NEMF: variants seen among roughly 807,000 people sequenced by gnomAD.
NEMF encodes nuclear export mediator factor, also known as ribosome quality control complex subunit NEMF.
A neutral mutation model predicts 162.2 loss-of-function variants in NEMF; 89 were observed. That is an observed-to-expected ratio of 0.55 (90% CI 0.46 to 0.65). The LOEUF is 0.65. NEMF is among the 30% of genes least tolerant of loss of function. NEMF has a pLI of 0.00. For synonymous variants in NEMF, 421 were observed against 404.5 expected (o/e 1.04, Z -0.49); for missense variants, 1,133 against 1,261.9 (o/e 0.90, Z 1.55).
Position 49,789,221 on chromosome 14 carries a change from C to G in NEMF, c.2820G>C (p.Lys940Asn). 6.2e-7 allele frequency: 1 copy of G among 1,614,086 alleles called. No homozygotes were observed. The highest frequency in any genetic ancestry group is 8.5e-7 in the Non-Finnish European group (1 of 1,179,954). The change falls in exon 28 of 33, where the codon AAG (lysine) becomes AAC (asparagine). Residue 940 changes from lysine to asparagine, a missense_variant. By Grantham distance (94) the Lys-to-Asn change is moderately conservative (BLOSUM62 0). This residue lies in a region of NEMF where 532 missense variants were observed against 578.6 expected (regional missense o/e 0.92). Coordinates refer to ENST00000298310, the MANE Select transcript of NEMF (RefSeq NM_004713.6). ...TAACCTCAAGGAACGGAGTTTCTTT[C>G]TTAATGTTGTCAGAGACCCTCTGTC... Reference protein sequence around the residue: ...RGGQRVSDNIKKETPFLEVIT... With the variant: ...RGGQRVSDNINKETPFLEVIT...
At chr14:49,835,887 G>C (rs1004824296) in intron 6 of NEMF, among the ~76,000 whole-genome samples, 2 of 152,144 alleles carry the variant, frequency 1.3e-5, no homozygotes, top group African/African-American at 4.8e-5. Context: ...AAATTCCACT[G>C]ACAATAGCAT....
At chr14:49,837,965 T>C (rs891630136) in intron 6 of NEMF, among the ~76,000 whole-genome samples, 174 bp downstream of exon 6, 6 of 152,186 alleles carry the variant, frequency 3.9e-5, no homozygotes, top group Non-Finnish European at 7.4e-5. Context: ...TAAAATCTAA[T>C]AGATAAAGCT....
At chr14:49,814,897 G>T in intron 16 of NEMF, 40 bp from the exon 17 acceptor site, 1 of 1,166,264 alleles carries the variant, frequency 8.6e-7, no homozygotes. Context: ...TTTCTTTATA[G>T]CTGCCTGAAT....
intron 11 of NEMF, among the ~76,000 whole-genome samples, chr14:49,829,797 C>T (rs1168919938): frequency 6.6e-6 from 1 of 151,974 alleles, no homozygotes; most frequent in Non-Finnish European, 1.5e-5. Context: ...ATAATAGAGA[C>T]CGGGTCCCGC....
At chr14:49,842,357 T>A (rs1452091380) in intron 4 of NEMF, among the ~76,000 whole-genome samples, 2 of 152,216 alleles carry the variant, frequency 1.3e-5, no homozygotes, top group Non-Finnish European at 2.9e-5. Context: ...TGAAATTACT[T>A]CTTAAAGATT....
chr14:49,814,419 G>A (rs933610909), intron 17 of NEMF, among the ~76,000 whole-genome samples: 27 of 152,068 alleles, frequency 1.8e-4, no homozygotes, highest in Non-Finnish European at 2.8e-4. Context: ...CTACTTCTAG[G>A]TGTGAAAAAT....
Position 49,783,836 on chromosome 14 carries a change from T to C in NEMF, c.*800A>G, listed in dbSNP as rs1265580295. Reference sequence around the variant, plus strand: ...GAGTCATGAGAATTATTACTTATATTTTACATTTTGGTCTAATATTTTTTT... The same window carrying C: ...GAGTCATGAGAATTATTACTTATATCTTACATTTTGGTCTAATATTTTTTT... On this transcript the variant is annotated 3_prime_UTR_variant, in exon 33 of 33. Coordinates refer to ENST00000298310, the MANE Select transcript of NEMF (RefSeq NM_004713.6). 1.3e-5 allele frequency: 2 copies of C among 152,124 alleles called. No individual in the cohort carries two copies. Among genetic ancestry groups the C allele is most frequent in the East Asian group, 3.8e-4 (2 of 5,204 alleles). The allele number at this position is 152,124 out of a possible 1,614,324, so 9.4% of individuals were successfully genotyped here.
At chr14:49,814,145 G>A (rs1891612896) in intron 17 of NEMF, 95 bp from the exon 18 acceptor site, 9 of 749,828 alleles carry the variant, frequency 1.2e-5, no homozygotes, top group African/African-American at 1.1e-4. Context: ...TGTCGCCCAG[G>A]CTGGAGTGCA....
At chr14:49,800,766 A>G (rs1021991222) in intron 22 of NEMF, 70 bp from the exon 23 acceptor site, 1 of 1,397,552 alleles carries the variant, frequency 7.2e-7, no homozygotes, top group East Asian at 2.3e-5. Flanking sequence ...TAAAAATGTC[A>G]TAAAAATATT....
chr14:49,793,099 C>T (rs548943132), intron 26 of NEMF, among the ~76,000 whole-genome samples: 8 of 152,152 alleles, frequency 5.3e-5, no homozygotes, highest in East Asian at 3.9e-4. Flanking sequence ...GGAAACATCC[C>T]GCAATGATAA....
intron 4 of NEMF, among the ~76,000 whole-genome samples, chr14:49,843,501 T>TA (rs1476460891): frequency 1.3e-5 from 2 of 151,966 alleles, no homozygotes; most frequent in Non-Finnish European, 1.5e-5. Flanking sequence ...CTCAAAAAAA[T>TA]AAAAAATATT....
intron 8 of NEMF, among the ~76,000 whole-genome samples, chr14:49,832,788 G>A (rs1892709145): frequency 6.6e-6 from 1 of 152,138 alleles, no homozygotes; most frequent in Non-Finnish European, 1.5e-5. Flanking sequence ...TTTAATGGTT[G>A]GGAGCTGTAA....
intron 5 of NEMF, among the ~76,000 whole-genome samples, chr14:49,840,478 C>T (rs1426914963): frequency 6.6e-6 from 1 of 151,336 alleles, no homozygotes; most frequent in Non-Finnish European, 1.5e-5. Context: ...AAAAAAAACA[C>T]CTAAGGACAT....
intron 26 of NEMF, among the ~76,000 whole-genome samples, chr14:49,792,372 C>T (rs943161476): frequency 6.6e-5 from 10 of 152,046 alleles, no homozygotes; most frequent in Non-Finnish European, 1.3e-4. Context: ...CCACCACACC[C>T]GGCTAATTTT....
At chr14:49,791,490 G>A (rs1315287279) in intron 26 of NEMF, among the ~76,000 whole-genome samples, 3 of 151,906 alleles carry the variant, frequency 2.0e-5, no homozygotes, top group Admixed American at 1.3e-4. Flanking sequence ...TGTAATCCCA[G>A]CACTTTGGGA....
At chr14:49,852,032 CAA>C (rs1469276250) in intron 1 of NEMF, among the ~76,000 whole-genome samples, 157 bp from the exon 2 acceptor site, 1 of 152,150 alleles carries the variant, frequency 6.6e-6, no homozygotes, top group Non-Finnish European at 1.5e-5. Flanking sequence ...AGATTCAGTT[CAA>C]AACTTAAGAG....
chr14:49,799,432 AAG>A, intron 25 of NEMF, 41 bp downstream of exon 25: 1 of 1,540,834 alleles, frequency 6.5e-7, no homozygotes, highest in Non-Finnish European at 8.8e-7. Context: ...TTAAAAAAAA[AAG>A]AAAAACATGC....
intron 12 of NEMF, 40 bp from the exon 13 acceptor site, chr14:49,829,302 T>A: frequency 6.2e-7 from 1 of 1,613,140 alleles, no homozygotes. Context: ...CATTGCCAGT[T>A]AAAGTTAACA....
chr14:49,822,010 C>G (rs1892088301), intron 16 of NEMF, among the ~76,000 whole-genome samples: 1 of 151,884 alleles, frequency 6.6e-6, no homozygotes, highest in Non-Finnish European at 1.5e-5. Flanking sequence ...ATGACCTTAC[C>G]CCCAACCCTG....
Sources: gnomAD v4.1 joint callset for allele counts (sites outside exome capture counted in the v4.1 genomes callset) on GRCh38, gnomAD v4.1.1 for gene constraint, gnomAD v4.1.1 regional missense constraint, MANE v1.5 for transcripts, NCBI Gene and HGNC (gene_info 2026-07-23, HGNC 2026-07-21) for gene names.